The following ULK2 variants were observed in gnomAD, a reference collection of about 807,000 sequenced individuals.
The protein encoded by ULK2 is unc-51 like autophagy activating kinase 2.
A neutral mutation model predicts 127.5 loss-of-function variants in ULK2; 76 were observed. The ratio of observed to expected loss-of-function variants is 0.60; its 90% CI spans 0.50 to 0.72. ULK2 has a LOEUF of 0.72. Ranked by LOEUF, ULK2 falls within the 30% of genes least tolerant of loss-of-function variation. The probability of loss-of-function intolerance (pLI) is 0.00; values close to 1 mark genes in which losing one functional copy is unlikely to be tolerated. For synonymous variants in ULK2, 452 were observed against 461.9 expected (o/e 0.98, Z 0.28); for missense variants, 1,144 against 1,295.9 (o/e 0.88, Z 1.80).
chr17:19,817,805 C>A (rs564204389), intron 12 of ULK2, among the ~76,000 whole-genome samples: 1 of 152,160 alleles, frequency 6.6e-6, no homozygotes, highest in Non-Finnish European at 1.5e-5. Flanking sequence ...ATACCTGGTT[C>A]ACTGCTGCTG....
At chr17:19,777,739 C>G (rs990839841) in intron 25 of ULK2, 23 bp from the exon 26 acceptor site, 2 of 1,579,158 alleles carry the variant, frequency 1.3e-6, no homozygotes, top group African/African-American at 2.7e-5. Flanking sequence ...AACAAAAACA[C>G]AATTCTCTCA....
rs1597695963 is a variant in ULK2, at chr17:19,775,711, G to C, written c.*638C>G. 1 of 152,606 alleles carries C rather than the reference G, an allele frequency of 6.6e-6. No homozygotes were observed. Among genetic ancestry groups the C allele is most frequent in the Admixed American group, 6.5e-5 (1 of 15,292 alleles). 9.5% of individuals were successfully genotyped at this position (152,606 alleles called of 1,614,324 possible). Reference sequence around the variant, plus strand: ...TTTTAAACAAGTCCATTGTGCCTTAGTTAAATTACAAAATCCAATACACAG... The same window carrying C: ...TTTTAAACAAGTCCATTGTGCCTTACTTAAATTACAAAATCCAATACACAG... On this transcript the variant is annotated 3_prime_UTR_variant, in exon 27 of 27. Transcript: ENST00000395544.
At chr17:19,857,809 G>GT (rs1345607689) in intron 3 of ULK2, among the ~76,000 whole-genome samples, 1 of 152,112 alleles carries the variant, frequency 6.6e-6, no homozygotes, top group Non-Finnish European at 1.5e-5. Context: ...AACCTCTCCA[G>GT]TATCATCTAA....
chr17:19,798,478 G>T (rs1308081888), intron 17 of ULK2, among the ~76,000 whole-genome samples: 6 of 152,092 alleles, frequency 3.9e-5, no homozygotes, highest in Admixed American at 3.9e-4. Flanking sequence ...AAACTAGCAA[G>T]AATAATATAA....
intron 3 of ULK2, among the ~76,000 whole-genome samples, chr17:19,864,021 T>C (rs1391448164): frequency 6.6e-6 from 1 of 152,172 alleles, no homozygotes; most frequent in African/African-American, 2.4e-5. Flanking sequence ...AAAAGCACTA[T>C]GTAGGCCATG....
chr17:19,810,875 A>G (rs1355128695), intron 13 of ULK2: 1 of 153,156 alleles, frequency 6.5e-6, no homozygotes, highest in African/African-American at 2.4e-5. Context: ...AACTGACCAT[A>G]TAACAAACTC....
intron 20 of ULK2, among the ~76,000 whole-genome samples, chr17:19,788,950 G>C (rs953337125): frequency 2.0e-5 from 3 of 152,168 alleles, no homozygotes; most frequent in African/African-American, 7.2e-5. Context: ...GATTTCTAAG[G>C]TTTTTTATTC....
intron 11 of ULK2, among the ~76,000 whole-genome samples, chr17:19,825,921 G>A (rs1478257477): frequency 1.3e-5 from 2 of 150,882 alleles, no homozygotes; most frequent in African/African-American, 2.4e-5. Flanking sequence ...GGGAGGTGGA[G>A]GTTGCTGTGA....
At chr17:19,841,580 C>T (rs2041758377) in intron 8 of ULK2, 33 bp from the exon 9 acceptor site, 3 of 1,500,138 alleles carry the variant, frequency 2.0e-6, no homozygotes, top group Non-Finnish European at 2.7e-6. Flanking sequence ...ATTTCCTAAA[C>T]AATGGGGGCA....
intron 7 of ULK2, among the ~76,000 whole-genome samples, chr17:19,844,370 T>C (rs2041831759): frequency 6.6e-6 from 1 of 152,042 alleles, no homozygotes; most frequent in Admixed American, 6.6e-5. Flanking sequence ...GAAGTCCTCT[T>C]GCCTCAGCCT....
At chr17:19,867,226 T>G in intron 1 of ULK2, 102 bp downstream of exon 1, 1 of 886,628 alleles carries the variant, frequency 1.1e-6, no homozygotes, top group Non-Finnish European at 1.6e-6. Context: ...CCCGGGCGGC[T>G]AGCCGAGTCG....
chr17:19,867,162 A>C (rs1221085416), intron 1 of ULK2, among the ~76,000 whole-genome samples, 166 bp downstream of exon 1: 2 of 151,992 alleles, frequency 1.3e-5, no homozygotes. Context: ...GCCTCACAAC[A>C]ACCCTCACAG....
chr17:19,832,506 T>G (rs1049572893), intron 10 of ULK2, among the ~76,000 whole-genome samples: 3 of 152,098 alleles, frequency 2.0e-5, no homozygotes, highest in African/African-American at 7.2e-5. Context: ...TTAACTGATC[T>G]GCCCATCTCG....
intron 7 of ULK2, among the ~76,000 whole-genome samples, chr17:19,844,298 A>G (rs1169225659): frequency 1.3e-5 from 2 of 152,128 alleles, no homozygotes; most frequent in African/African-American, 4.8e-5. Context: ...ATTTCCTTTT[A>G]ACTTTAATTC....
At chr17:19,826,655 A>G (rs970924790) in intron 10 of ULK2, among the ~76,000 whole-genome samples, 5 of 152,140 alleles carry the variant, frequency 3.3e-5, no homozygotes, top group Non-Finnish European at 5.9e-5. Flanking sequence ...CTGGTTTCAC[A>G]TTAAAAAGAG....
intron 15 of ULK2, among the ~76,000 whole-genome samples, chr17:19,802,849 A>G (rs1458216803): frequency 3.3e-5 from 5 of 152,106 alleles, no homozygotes; most frequent in Admixed American, 3.3e-4. Context: ...CCTGTGCATG[A>G]TTTTTTTTAA....
At chr17:19,857,543 T>C (rs2042160196) in intron 3 of ULK2, among the ~76,000 whole-genome samples, 1 of 152,158 alleles carries the variant, frequency 6.6e-6, no homozygotes. Flanking sequence ...GTCAGATGTC[T>C]CAGTTTTATG....
rs762366374 is a variant in ULK2, at chr17:19,810,171, A to C, written c.1157+207T>G. Reference sequence around the variant, plus strand: ...GCGTGAACCCAGAGGCAGAGCTTGCAGTGAGCTGAGATCACACCATTGCAA... The same window carrying C: ...GCGTGAACCCAGAGGCAGAGCTTGCCGTGAGCTGAGATCACACCATTGCAA... On this transcript the variant is annotated intron_variant, in intron 14 of 26. Coordinates refer to ENST00000395544, the MANE Select transcript of ULK2 (RefSeq NM_014683.4). Among the ~76,000 whole-genome samples, 65 of 150,138 alleles carry C rather than the reference A, an allele frequency of 4.3e-4. 1 individual carries two copies. Among genetic ancestry groups the C allele is most frequent in the Non-Finnish European group, 8.1e-4 (55 of 67,768 alleles).
intron 3 of ULK2, among the ~76,000 whole-genome samples, chr17:19,864,445 A>G (rs1344006982): frequency 1.3e-5 from 2 of 151,970 alleles, no homozygotes; most frequent in Admixed American, 1.3e-4. Flanking sequence ...ACTGCACTGC[A>G]GCCCAAGAGA....
Sources: allele counts gnomAD v4.1 joint callset (sites outside exome capture counted in the v4.1 genomes callset), GRCh38; gene constraint gnomAD v4.1.1; transcripts MANE v1.5; gene names NCBI Gene and HGNC (gene_info 2026-07-23, HGNC 2026-07-21).